Variants in RBFOX1 observed in about 807,000 individuals in gnomAD.
RBFOX1 encodes RNA binding protein fox-1 homolog 1.
Under a neutral mutation model 57.7 loss-of-function variants are expected in RBFOX1, and 8 were observed. That is an observed-to-expected ratio of 0.14 (90% CI 0.08 to 0.25). The LOEUF is 0.25. Ranked by LOEUF, RBFOX1 falls within the 10% of genes least tolerant of loss-of-function variation. The pLI is 1.00. For missense variants in RBFOX1, 611 were observed against 548.5 expected, an observed-to-expected ratio of 1.11 and a Z score of -1.14; for synonymous variants, 326 against 222.4, an observed-to-expected ratio of 1.47 and a Z score of -4.15.
chr16:6,606,467 C>G (rs1567855711), intron 2 of RBFOX1, among the ~76,000 whole-genome samples: 1 of 152,108 alleles, frequency 6.6e-6, no homozygotes, highest in Non-Finnish European at 1.5e-5. Context: ...AACCCATCAC[C>G]TAGTTATTAA....
chr16:5,627,294 A>T (rs1045018200), intron 3 of RBFOX1, among the ~76,000 whole-genome samples: 2 of 152,180 alleles, frequency 1.3e-5, no homozygotes, highest in Non-Finnish European at 2.9e-5. Context: ...GGTGTGTCAG[A>T]CTTAGTAAAT....
At chr16:5,858,383 A>G (rs935997355) in intron 3 of RBFOX1, among the ~76,000 whole-genome samples, 10 of 151,870 alleles carry the variant, frequency 6.6e-5, no homozygotes, top group African/African-American at 2.4e-4. Context: ...CACAGCTCAG[A>G]CTCCCTGTAA....
At chr16:7,350,449 A>G (rs1026247725) in intron 4 of RBFOX1, among the ~76,000 whole-genome samples, 3 of 152,190 alleles carry the variant, frequency 2.0e-5, no homozygotes, top group Admixed American at 1.3e-4. Flanking sequence ...CTTGTAGGGC[A>G]TTGCAGGCAG....
chr16:5,247,902 C>G (rs1230652620), intron 1 of RBFOX1, among the ~76,000 whole-genome samples: 2 of 152,176 alleles, frequency 1.3e-5, no homozygotes, highest in African/African-American at 2.4e-5. Context: ...TTCTGCAGGT[C>G]TTTGGTATCA....
At chr16:7,566,466 G>T (rs893521371) in intron 5 of RBFOX1, among the ~76,000 whole-genome samples, 1 of 152,140 alleles carries the variant, frequency 6.6e-6, no homozygotes, top group Non-Finnish European at 1.5e-5. Flanking sequence ...ATTCAGGAGC[G>T]AAAAGAGTTT....
intron 1 of RBFOX1, among the ~76,000 whole-genome samples, chr16:5,412,271 C>A (rs981745258): frequency 1.3e-5 from 2 of 152,218 alleles, no homozygotes; most frequent in African/African-American, 4.8e-5. Context: ...GAGTTAGGAA[C>A]ACCAACTCAG....
intron 3 of RBFOX1, among the ~76,000 whole-genome samples, chr16:6,674,046 A>G (rs1303496399): frequency 6.6e-6 from 1 of 152,148 alleles, no homozygotes; most frequent in Non-Finnish European, 1.5e-5. Flanking sequence ...TTTTAGGATT[A>G]CCCTAGGAAA....
At chr16:7,273,123 C>T (rs2095362826) in intron 4 of RBFOX1, among the ~76,000 whole-genome samples, 1 of 134,422 alleles carries the variant, frequency 7.4e-6, no homozygotes, top group Admixed American at 7.3e-5. Flanking sequence ...TCTCTCCCTC[C>T]CTTTCCTCCT....
intron 4 of RBFOX1, among the ~76,000 whole-genome samples, chr16:5,891,598 T>C (rs2058046033): frequency 6.6e-6 from 1 of 152,160 alleles, no homozygotes; most frequent in Non-Finnish European, 1.5e-5. Flanking sequence ...GAGGGGTTCC[T>C]TCTAGTCTAC....
chr16:5,768,073 AGACT>A (rs1734715425), intron 3 of RBFOX1, among the ~76,000 whole-genome samples: 1 of 152,228 alleles, frequency 6.6e-6, no homozygotes, highest in Middle Eastern at 3.2e-3. Context: ...TTCCAAGAGT[AGACT>A]GCATTTAAAT....
intron 1 of RBFOX1, among the ~76,000 whole-genome samples, chr16:6,251,188 C>G (rs1208673338): frequency 6.6e-6 from 1 of 152,162 alleles, no homozygotes; most frequent in Non-Finnish European, 1.5e-5. Flanking sequence ...TTGGCATTTA[C>G]TATGTGTCAG....
intron 2 of RBFOX1, among the ~76,000 whole-genome samples, chr16:5,596,180 A>G (rs1033380974): frequency 5.9e-5 from 9 of 152,154 alleles, no homozygotes; most frequent in Admixed American, 5.2e-4. Context: ...GGGCAGCTGG[A>G]TAGGAATTTC....
intron 3 of RBFOX1, among the ~76,000 whole-genome samples, chr16:6,816,269 A>G (rs922441957): frequency 1.3e-5 from 2 of 152,166 alleles, no homozygotes; most frequent in African/African-American, 4.8e-5. Flanking sequence ...TGATCACACT[A>G]TTGCACTCGC....
intron 3 of RBFOX1, among the ~76,000 whole-genome samples, chr16:6,865,210 C>T (rs1436583367): frequency 6.6e-6 from 1 of 151,740 alleles, no homozygotes; most frequent in Non-Finnish European, 1.5e-5. Flanking sequence ...GCCATGTTGG[C>T]CAGGCTGGTC....
intron 2 of RBFOX1, among the ~76,000 whole-genome samples, chr16:6,563,502 T>A (rs1339471466): frequency 6.6e-6 from 1 of 152,176 alleles, no homozygotes; most frequent in African/African-American, 2.4e-5. Context: ...TTACATCTAC[T>A]CTACCTTGTC....
intron 2 of RBFOX1, among the ~76,000 whole-genome samples, chr16:6,324,741 G>T (rs985062846): frequency 3.1e-4 from 47 of 152,102 alleles, no homozygotes; most frequent in African/African-American, 1.1e-3. Context: ...TATATCAAAT[G>T]GTCTTTAACT....
intron 3 of RBFOX1, among the ~76,000 whole-genome samples, chr16:6,695,391 G>C (rs2060870104): frequency 7.8e-6 from 1 of 128,596 alleles, no homozygotes; most frequent in Admixed American, 8.8e-5. Context: ...ACTCCAGCCT[G>C]AGAGTAAGAG....
intron 2 of RBFOX1, among the ~76,000 whole-genome samples, chr16:6,569,796 C>T (rs535711121): frequency 5.4e-4 from 82 of 152,312 alleles, no homozygotes; most frequent in African/African-American, 1.9e-3. Context: ...TGGCTGAATT[C>T]CACGGCTGTT....
At chr16:7,409,977 G>T (rs1056588014) in intron 4 of RBFOX1, among the ~76,000 whole-genome samples, 1 of 152,188 alleles carries the variant, frequency 6.6e-6, no homozygotes, top group African/African-American at 2.4e-5. Context: ...GTGAGACCAG[G>T]AAGAGGACCA....
Sources: allele counts gnomAD v4.1 joint callset (sites outside exome capture counted in the v4.1 genomes callset), GRCh38; gene constraint gnomAD v4.1.1; transcripts MANE v1.5; gene names NCBI Gene and HGNC (gene_info 2026-07-23, HGNC 2026-07-21).